Variants in NLRP1 observed in about 807,000 individuals in gnomAD.
NLRP1 encodes the protein NACHT, LRR and PYD domains-containing protein 1.
In NLRP1, 94 loss-of-function variants were observed where a neutral mutation model predicts 136.7. The ratio of observed to expected loss-of-function variants is 0.69; its 90% CI spans 0.58 to 0.82. The LOEUF (loss-of-function observed/expected upper bound fraction) is 0.82, where lower values mean the gene tolerates loss of function less well. Ranked by LOEUF, NLRP1 falls within the 40% of genes least tolerant of loss-of-function variation. The pLI is 0.00. For missense variants in NLRP1, 1,575 were observed against 1,802.7 expected, an observed-to-expected ratio of 0.87 and a Z score of 2.29; for synonymous variants, 690 against 725.1, an observed-to-expected ratio of 0.95 and a Z score of 0.78.
chr17:5,508,364 T>C (rs1907463095), intron 15 of NLRP1, among the ~76,000 whole-genome samples: 1 of 152,222 alleles, frequency 6.6e-6, no homozygotes, highest in African/African-American at 2.4e-5. Flanking sequence ...TTGCCTAGGC[T>C]GGCCTTGAAC....
chr17:5,550,484 A>G (rs1252857193), intron 5 of NLRP1, among the ~76,000 whole-genome samples: 1 of 152,180 alleles, frequency 6.6e-6, no homozygotes, highest in African/African-American at 2.4e-5. Flanking sequence ...GTTGGCTTAC[A>G]ATATTTCATA....
chr17:5,566,835 G>C (rs1050292459), intron 3 of NLRP1, among the ~76,000 whole-genome samples: 1 of 151,992 alleles, frequency 6.6e-6, no homozygotes, highest in African/African-American at 2.4e-5. Context: ...TTACATATCT[G>C]GGTGTTCCTG....
At chr17:5,545,337 G>GACAC (rs55788409) in intron 5 of NLRP1, among the ~76,000 whole-genome samples, 3 of 147,848 alleles carry the variant, frequency 2.0e-5, no homozygotes, top group Admixed American at 6.7e-5. Context: ...CAGACACACA[G>GACAC]ACACACACAC....
chr17:5,582,111 T>G, intron 2 of NLRP1, 49 bp from the exon 3 acceptor site: 1 of 1,416,382 alleles, frequency 7.1e-7, no homozygotes, highest in Non-Finnish European at 9.8e-7. Flanking sequence ...ATTTATTTTC[T>G]TTTAGGTGCA....
At chr17:5,534,412 T>G (rs1308097778) in intron 8 of NLRP1, among the ~76,000 whole-genome samples, 2 of 152,058 alleles carry the variant, frequency 1.3e-5, no homozygotes, top group African/African-American at 2.4e-5. Flanking sequence ...GAATTTGAAC[T>G]CAATCCTGTG....
In NLRP1 at chr17:5,521,016, C is replaced by T. The variant is rs146498193; in HGVS notation, c.3784-4G>A. 3.2e-3 allele frequency: 5,191 copies of T among 1,600,676 alleles called. 20 individuals are homozygous for T. The highest frequency in any genetic ancestry group is 9.0e-3 in the South Asian group (802 of 88,632). ...TCATTTCTAGATCATCTATGGCCTA[C>T]AGAACATAGGGAACAATGATTAAGG... On this transcript the variant is annotated splice_region_variant and splice_polypyrimidine_tract_variant and intron_variant, in intron 13 of 16. Transcript: ENST00000572272.
chr17:5,537,466 A>G lies in NLRP1; in HGVS notation c.2871-526T>C, dbSNP rs968041453. On this transcript the variant is annotated intron_variant, in intron 7 of 16. Coordinates refer to ENST00000572272, the MANE Select transcript of NLRP1 (RefSeq NM_033004.4). This position sits in a 1 kb window ranked among gnomAD's most constrained non-coding sequence, Gnocchi z 4.5. ...GCTGGGAAGAGAGAGTCCTGGTTCC[A>G]TCCTCCCAGGCCTTGTGGTCTGGGG... 6.6e-6 allele frequency among the ~76,000 whole-genome samples: 1 copy of G among 152,128 alleles called. No individual in the cohort carries two copies. The highest frequency in any genetic ancestry group is 2.4e-5 in the African/African-American group (1 of 41,434).
chr17:5,579,224 A>G (rs1228161244), intron 3 of NLRP1, among the ~76,000 whole-genome samples: 3 of 151,632 alleles, frequency 2.0e-5, no homozygotes, highest in African/African-American at 7.3e-5. Context: ...ACAAACCTGC[A>G]TGTTGTGCAC....
At chr17:5,534,613 G>C (rs1036116683) in intron 8 of NLRP1, among the ~76,000 whole-genome samples, 5 of 152,112 alleles carry the variant, frequency 3.3e-5, no homozygotes, top group Non-Finnish European at 7.3e-5. Context: ...CCCAGGCCCT[G>C]GCCTCTGTGG....
chr17:5,580,622 C>T (rs964352516), intron 3 of NLRP1, among the ~76,000 whole-genome samples: 1 of 152,138 alleles, frequency 6.6e-6, no homozygotes, highest in African/African-American at 2.4e-5. Flanking sequence ...ATGAGGTAGT[C>T]TTTGTGGTTT....
chr17:5,584,128 G>A lies in NLRP1; in HGVS notation c.-171C>T. On this transcript the variant is annotated 5_prime_UTR_variant, in exon 1 of 17. Coordinates refer to ENST00000572272, the MANE Select transcript of NLRP1 (RefSeq NM_033004.4). ...CCTACAGATAGACGCCGATAGAGGG[G>A]GAGTGGTAGGAAAAGCCAGGGGAGG... is the stretch of plus-strand genomic sequence containing the variant. 1.5e-6 allele frequency: 1 copy of A among 661,682 alleles called. No individual in the cohort carries two copies. The allele number at this position is 661,682 out of a possible 1,614,324, so 41.0% of individuals were successfully genotyped here. A position where few individuals can be genotyped will look rare whatever the true frequency, so the allele number is the denominator to read the frequency against.
At chr17:5,563,075 C>G (rs1914940386) in intron 3 of NLRP1, among the ~76,000 whole-genome samples, 1 of 152,148 alleles carries the variant, frequency 6.6e-6, no homozygotes, top group African/African-American at 2.4e-5. Flanking sequence ...GACAATCAAA[C>G]CCCCAAGGGC....
Position 5,530,664 on chromosome 17 carries a change from T to C in NLRP1, c.3337A>G (p.Thr1113Ala). ...TCTCTCATCACAAAGCAGAGACCCG[T>C]GTTGGGCCAGCGGTAGGAGCCAGCT... is the stretch of plus-strand genomic sequence containing the variant. ...PVAGSYRWPN[T>A]GLCFVMREAV... Residue 1113 changes from threonine (T) to alanine (A), a missense_variant, in exon 12 of 17, where the codon ACG becomes GCG. By Grantham distance (58) the Thr-to-Ala change is moderately conservative. Transcript: ENST00000572272. 4.3e-6 allele frequency: 7 copies of C among 1,614,158 alleles called. No individual in the cohort carries two copies. The highest frequency in any genetic ancestry group is 5.9e-6 in the Non-Finnish European group (7 of 1,180,034).
At chr17:5,518,951 G>T (rs1908507317) in intron 14 of NLRP1, among the ~76,000 whole-genome samples, 1 of 149,660 alleles carries the variant, frequency 6.7e-6, no homozygotes. Context: ...CAATTCTCCT[G>T]CCTCAGCCTC....
chr17:5,571,195 A>G (rs1915828936), intron 3 of NLRP1, among the ~76,000 whole-genome samples: 2 of 152,290 alleles, frequency 1.3e-5, no homozygotes, highest in South Asian at 4.1e-4. Flanking sequence ...CTTGAGAACC[A>G]GAACAAGACA....
At chr17:5,521,126 C>T (rs1189438941) in intron 13 of NLRP1, 114 bp from the exon 14 acceptor site, 10 of 1,030,168 alleles carry the variant, frequency 9.7e-6, no homozygotes, top group Non-Finnish European at 1.1e-5. Flanking sequence ...GCTATATCAC[C>T]CCTGCCTCCC....
Position 5,559,872 on chromosome 17 carries a change from T to C in NLRP1, c.824A>G (p.Asn275Ser), listed in dbSNP as rs1046817157. 7.4e-6 allele frequency: 12 copies of C among 1,614,082 alleles called. No homozygotes were observed. Among genetic ancestry groups the C allele is most frequent in the African/African-American group, 1.3e-5 (1 of 74,930 alleles). ...AAGTAGCAGCTGTGTGAATTTTTGG[T>C]TAAAATCCTCATTTTTCCAGGGCCA... ...STWPWKNEDF[N>S]QKFTQLLLLQ... The change falls in exon 4 of 17, where the codon AAC becomes AGC. Residue 275 changes from asparagine (N) to serine (S), a missense_variant. Coordinates refer to ENST00000572272, the MANE Select transcript of NLRP1 (RefSeq NM_033004.4).
intron 4 of NLRP1, among the ~76,000 whole-genome samples, chr17:5,554,260 C>G (rs12942057): frequency 1.3e-5 from 2 of 152,068 alleles, no homozygotes; most frequent in Non-Finnish European, 2.9e-5. Flanking sequence ...GAAGAGATGA[C>G]GGGCTTTGTC....
intron 11 of NLRP1, among the ~76,000 whole-genome samples, chr17:5,531,504 C>G (rs1392246003): frequency 6.6e-6 from 1 of 152,156 alleles, no homozygotes; most frequent in East Asian, 1.9e-4. Context: ...TAGGCATGAG[C>G]CACTATGCCT....
Sources: gnomAD v4.1 joint callset for allele counts (sites outside exome capture counted in the v4.1 genomes callset) on GRCh38, gnomAD v4.1.1 for gene constraint, Gnocchi (gnomAD v3.1) non-coding constraint, MANE v1.5 for transcripts, NCBI Gene and HGNC (gene_info 2026-07-23, HGNC 2026-07-21) for gene names.